The following ARHGEF12 variants were observed in gnomAD, a reference collection of about 807,000 sequenced individuals.
ARHGEF12 encodes KMT2A/ARHGEF12 fusion protein.
A neutral mutation model predicts 211.2 loss-of-function variants in ARHGEF12; 66 were observed. The ratio of observed to expected loss-of-function variants is 0.31; its 90% CI spans 0.26 to 0.38. The LOEUF (loss-of-function observed/expected upper bound fraction) is 0.38. Ranked by LOEUF, ARHGEF12 falls within the 10% of genes least tolerant of loss-of-function variation. The pLI is 1.00. For synonymous variants in ARHGEF12, 592 were observed against 638.4 expected, an observed-to-expected ratio of 0.93 and a Z score of 1.09; for missense variants, 1,429 against 1,869.5, an observed-to-expected ratio of 0.76 and a Z score of 4.34.
chr11:120,391,045 T>C (rs551613314), intron 1 of ARHGEF12, among the ~76,000 whole-genome samples: 3 of 152,320 alleles, frequency 2.0e-5, no homozygotes, highest in African/African-American at 7.2e-5. Context: ...TTATAGATAA[T>C]GGATGATGTG....
chr11:120,392,010 G>A (rs911794760), intron 1 of ARHGEF12, among the ~76,000 whole-genome samples: 3 of 152,254 alleles, frequency 2.0e-5, no homozygotes, highest in African/African-American at 4.8e-5. Context: ...CTCTCCAGTG[G>A]TTTTCCATTA....
intron 1 of ARHGEF12, among the ~76,000 whole-genome samples, chr11:120,377,500 AC>A (rs1943760882): frequency 6.6e-6 from 1 of 151,806 alleles, no homozygotes; most frequent in Admixed American, 6.6e-5. Context: ...ACAGCACCAC[AC>A]CTAGCTAATT....
rs1015329419 is a variant in ARHGEF12 at position 120,453,028 on chromosome 11, C to A, written c.2056+1304C>A. On this transcript the variant is annotated intron_variant, in intron 22 of 40. Coordinates refer to ENST00000397843, the MANE Select transcript of ARHGEF12 (RefSeq NM_015313.3). ...AAACAAAAACAAAAACAAAAAAAAACGACAAGATAATGGTCCAAAAATCAT... is the reference window on the plus strand; with the variant it reads ...AAACAAAAACAAAAACAAAAAAAAAAGACAAGATAATGGTCCAAAAATCAT... 8.9e-5 allele frequency among the ~76,000 whole-genome samples: 13 copies of A among 146,570 alleles called. No homozygotes were observed. In the South Asian group the frequency reaches 1.5e-3, roughly 17 times the overall value.
chr11:120,433,265 G>A (rs764978426), intron 11 of ARHGEF12, among the ~76,000 whole-genome samples: 7 of 152,234 alleles, frequency 4.6e-5, no homozygotes, highest in Non-Finnish European at 7.4e-5. Flanking sequence ...TTGAAAATGC[G>A]TAACATTTTG....
At chr11:120,424,851 C>G (rs1415424856) in intron 7 of ARHGEF12, among the ~76,000 whole-genome samples, 1 of 152,158 alleles carries the variant, frequency 6.6e-6, no homozygotes, top group Non-Finnish European at 1.5e-5. Flanking sequence ...AGACATATGG[C>G]CTGATGAACT....
chr11:120,453,665 C>G (rs544925130), intron 22 of ARHGEF12, among the ~76,000 whole-genome samples: 6 of 152,272 alleles, frequency 3.9e-5, no homozygotes, highest in African/African-American at 1.4e-4. Context: ...TGCAGTGAGC[C>G]ATGTTCTTGC....
At position 120,442,088 on chromosome 11, in the gene ARHGEF12, C is replaced by G; in HGVS notation, c.1204-16C>G. 1.3e-6 allele frequency: 2 copies of G among 1,545,268 alleles called. No individual in the cohort carries two copies. The highest frequency in any genetic ancestry group is 8.8e-7 in the Non-Finnish European group (1 of 1,138,054). ...GGTTCCTCATTTTGTCTTTTTCATT[C>G]CTTTCTCCACTACAGCTCTGTTATC... On this transcript the variant is annotated splice_polypyrimidine_tract_variant and intron_variant, in intron 14 of 40. Coordinates refer to ENST00000397843, the MANE Select transcript of ARHGEF12 (RefSeq NM_015313.3).
intron 14 of ARHGEF12, 107 bp downstream of exon 14, chr11:120,441,924 G>A (rs1005227730): frequency 1.0e-5 from 11 of 1,048,704 alleles, no homozygotes; most frequent in Admixed American, 6.3e-5. Flanking sequence ...TCAGTTTTCC[G>A]TATAAAGACA....
At chr11:120,438,706 G>T (rs577771436) in intron 12 of ARHGEF12, 42 of 152,226 alleles carry the variant, frequency 2.8e-4, no homozygotes, top group African/African-American at 1.0e-3. Context: ...TCCAGATCTT[G>T]CAATGTTAAA....
chr11:120,429,475 A>T lies in ARHGEF12; in HGVS notation c.621A>T (p.Glu207Asp). The change falls in exon 9 of 41, where the codon GAA (glutamate) becomes GAT (aspartate). Residue 207 changes from glutamate to aspartate, a missense_variant. This residue lies in a region of ARHGEF12 where 254 missense variants were observed against 286.4 expected (regional missense o/e 0.89). Coordinates refer to ENST00000397843, the MANE Select transcript of ARHGEF12 (RefSeq NM_015313.3). ...ATGTGGTTCATAACCAGAAAGTAGA[A>T]ATTCTGAGAAAAATGTTACAGAAAG... ...ENNVVHNQKV[E>D]ILRKMLQKEQ... 1 of 1,613,864 alleles carries T rather than the reference A, an allele frequency of 6.2e-7. No homozygotes were observed.
At chr11:120,341,264 G>A (rs1423457188) in intron 1 of ARHGEF12, among the ~76,000 whole-genome samples, 2 of 64,808 alleles carry the variant, frequency 3.1e-5, no homozygotes, top group Admixed American at 2.7e-4. Context: ...CACCATATTG[G>A]CCAGGCTGGT....
intron 26 of ARHGEF12, among the ~76,000 whole-genome samples, chr11:120,460,249 A>G (rs1262160648): frequency 6.6e-6 from 1 of 152,060 alleles, no homozygotes; most frequent in African/African-American, 2.4e-5. Flanking sequence ...TCCTTTGTGG[A>G]TAATCTTGGG....
At position 120,484,521 on chromosome 11, in the gene ARHGEF12, A is replaced by C; in HGVS notation, c.4624+14A>C. 6.2e-7 allele frequency: 1 copy of C among 1,611,308 alleles called. No individual in the cohort carries two copies. Among genetic ancestry groups the C allele is most frequent in the Non-Finnish European group, 8.5e-7 (1 of 1,178,068 alleles). On this transcript the variant is annotated intron_variant, in intron 40 of 40. Transcript: ENST00000397843. ...ACAAGCACTCAGGTATGTAAAAGTTATGAGTTCCAGACTCTAGACTAATCA... is the reference window on the plus strand; with the variant it reads ...ACAAGCACTCAGGTATGTAAAAGTTCTGAGTTCCAGACTCTAGACTAATCA...
chr11:120,399,338 A>AAAAAAAAAAAAAAAAAAAAAAAAAAAAG (rs1944487096), intron 1 of ARHGEF12, among the ~76,000 whole-genome samples: 1 of 147,180 alleles, frequency 6.8e-6, no homozygotes, highest in African/African-American at 2.5e-5. Flanking sequence ...AAAAAAAAAA[A>AAAAAAAAAAAAAAAAAAAAAAAAAAAAG]AAAAAAAAAA....
chr11:120,341,457 G>A (rs1436769235), intron 1 of ARHGEF12, among the ~76,000 whole-genome samples: 1 of 152,138 alleles, frequency 6.6e-6, no homozygotes, highest in African/African-American at 2.4e-5. Flanking sequence ...CATAAATGGT[G>A]AATTTTACAT....
At chr11:120,471,086 G>A (rs1005093176) in intron 30 of ARHGEF12, among the ~76,000 whole-genome samples, 2 of 152,076 alleles carry the variant, frequency 1.3e-5, no homozygotes, top group African/African-American at 4.8e-5. Context: ...ATAAGCAAAT[G>A]GACCTAGATT....
At chr11:120,430,277 A>G (rs185373853) in intron 10 of ARHGEF12, among the ~76,000 whole-genome samples, 1 of 152,304 alleles carries the variant, frequency 6.6e-6, no homozygotes, top group African/African-American at 2.4e-5. Flanking sequence ...CTCTGAGGTT[A>G]CTTATGGTTG....
chr11:120,381,161 A>G (rs1187150792), intron 1 of ARHGEF12, among the ~76,000 whole-genome samples: 1 of 152,160 alleles, frequency 6.6e-6, no homozygotes, highest in African/African-American at 2.4e-5. Context: ...CTCTCAGGGG[A>G]CAGAGCTAGG....
In ARHGEF12 at chr11:120,447,882, C is replaced by T. The variant is rs201273109; in HGVS notation, c.1598C>T (p.Ala533Val). The change falls in exon 19 of 41, where the codon GCT becomes GTT. Residue 533 changes from alanine to valine, a missense_variant. Coordinates refer to ENST00000397843, the MANE Select transcript of ARHGEF12 (RefSeq NM_015313.3). ...VAKIEEVLMT[A>V]QAVEEDKSST... ...TTTTTCTTTTTTTTAAGGATGACTG[C>T]TCAGGCTGTAGAGGAAGATAAGAGG... 3.3e-5 allele frequency: 51 copies of T among 1,565,728 alleles called. No individual in the cohort carries two copies. Among genetic ancestry groups the T allele is most frequent in the Non-Finnish European group, 3.4e-5 (40 of 1,161,156 alleles).
Sources: gnomAD v4.1 joint callset for allele counts (sites outside exome capture counted in the v4.1 genomes callset) on GRCh38, gnomAD v4.1.1 for gene constraint, gnomAD v4.1.1 regional missense constraint, MANE v1.5 for transcripts, NCBI Gene and HGNC (gene_info 2026-07-23, HGNC 2026-07-21) for gene names.